The following ZBTB16 variants were observed in gnomAD, a reference collection of about 807,000 sequenced individuals.
The protein encoded by ZBTB16 is zinc finger and BTB domain containing 16.
Under a neutral mutation model 56.8 loss-of-function variants are expected in ZBTB16, and 8 were observed. The observed-to-expected ratio is 0.14, with a 90% CI of 0.08 to 0.25. ZBTB16 has a LOEUF of 0.25. Ranked by LOEUF, ZBTB16 falls within the 10% of genes least tolerant of loss-of-function variation. The pLI is 1.00. For synonymous variants in ZBTB16, 363 were observed against 368.5 expected (o/e 0.98, Z 0.17); for missense variants, 625 against 903.0 (o/e 0.69, Z 3.95).
intron 3 of ZBTB16, among the ~76,000 whole-genome samples, chr11:114,184,189 A>G (rs1215070687): frequency 3.9e-5 from 6 of 152,328 alleles, no homozygotes; most frequent in Non-Finnish European, 5.9e-5. Flanking sequence ...TCATCAGTAG[A>G]AGATAGGTGT....
chr11:114,177,850 G>A (rs1333091345), intron 3 of ZBTB16, among the ~76,000 whole-genome samples: 1 of 151,964 alleles, frequency 6.6e-6, no homozygotes, highest in South Asian at 2.1e-4. Flanking sequence ...CCCAGGCTGG[G>A]GTTACAGGCA....
chr11:114,171,682 A>T (rs1180983954), intron 3 of ZBTB16, among the ~76,000 whole-genome samples: 1 of 152,178 alleles, frequency 6.6e-6, no homozygotes, highest in Non-Finnish European at 1.5e-5. Context: ...ACAGCCTAGA[A>T]TTCTGCTTTG....
intron 4 of ZBTB16, among the ~76,000 whole-genome samples, chr11:114,197,819 C>T (rs1943643422): frequency 6.6e-6 from 1 of 152,102 alleles, no homozygotes; most frequent in Admixed American, 6.5e-5. Context: ...CGCTCCTTCC[C>T]TCAGGATAGC....
chr11:114,200,598 T>C (rs1255728978), intron 4 of ZBTB16, among the ~76,000 whole-genome samples: 2 of 152,094 alleles, frequency 1.3e-5, no homozygotes, highest in Admixed American at 6.5e-5. Flanking sequence ...GGATTCCAGG[T>C]TGGTGTTTTC....
At position 114,215,804 on chromosome 11, in the gene ZBTB16, G is replaced by A. The variant is rs145411247; in HGVS notation, c.1454-26363G>A. Among the ~76,000 whole-genome samples the A allele has an allele frequency of 1.8e-3, 268 of 152,280 alleles. 4 individuals carry two copies. Among genetic ancestry groups the A allele is most frequent in the African/African-American group, 6.0e-3 (251 of 41,542 alleles). On this transcript the variant is annotated intron_variant, in intron 4 of 6. Transcript: ENST00000335953. The stretch of plus-strand genomic sequence containing the variant: ...TAATTTGAATTATTTTGTGATTACA[G>A]ATCTTACAGGTAGATGTTGGGTACA...
In ZBTB16 at chr11:114,159,940, G is replaced by T. The variant is rs185775356; in HGVS notation, c.1366+3506G>T. The stretch of plus-strand genomic sequence containing the variant: ...CCAGAACCCTGGGCGGGGGAGGCGG[G>T]GGGGAGGCGAGCATTTTTTTTCAAA... On this transcript the variant is annotated intron_variant, in intron 3 of 6. Transcript: ENST00000335953. Among the ~76,000 whole-genome samples, 427 of 148,162 alleles carry T rather than the reference G, an allele frequency of 2.9e-3. 26 individuals are homozygous for T. The highest frequency in any genetic ancestry group is 0.014 in the South Asian group (66 of 4,706).
At chr11:114,082,395 C>G (rs1017581834) in intron 2 of ZBTB16, among the ~76,000 whole-genome samples, 2 of 152,200 alleles carry the variant, frequency 1.3e-5, no homozygotes, top group South Asian at 2.1e-4. Flanking sequence ...GTGTACTTAA[C>G]ACACTCTGCA....
intron 4 of ZBTB16, among the ~76,000 whole-genome samples, chr11:114,192,370 G>T (rs967195118): frequency 8.5e-5 from 13 of 152,162 alleles, no homozygotes; most frequent in Non-Finnish European, 1.6e-4. Flanking sequence ...GCGGTGGAAG[G>T]CTGGACTCTC....
chr11:114,217,985 G>A (rs913603793), intron 4 of ZBTB16, among the ~76,000 whole-genome samples: 2 of 152,192 alleles, frequency 1.3e-5, no homozygotes, highest in African/African-American at 4.8e-5. Context: ...CCCAGCTCCT[G>A]GCATTCTCAA....
At chr11:114,183,452 A>G (rs899226858) in intron 3 of ZBTB16, among the ~76,000 whole-genome samples, 2 of 151,970 alleles carry the variant, frequency 1.3e-5, no homozygotes, top group East Asian at 1.9e-4. Flanking sequence ...TCTGCTTCTC[A>G]GTCATTAAAG....
chr11:114,093,609 C>T (rs1189133887), intron 2 of ZBTB16, among the ~76,000 whole-genome samples: 6 of 152,252 alleles, frequency 3.9e-5, no homozygotes, highest in African/African-American at 9.6e-5. Context: ...CTATAGCCTC[C>T]GAGGCTCTGT....
intron 3 of ZBTB16, among the ~76,000 whole-genome samples, chr11:114,175,996 T>C (rs113913652): frequency 2.7e-5 from 4 of 150,900 alleles, no homozygotes; most frequent in East Asian, 2.0e-4. Context: ...TGTGTGTGTG[T>C]GTGTGCGTGC....
At chr11:114,235,690 C>A (rs1224373548) in intron 4 of ZBTB16, among the ~76,000 whole-genome samples, 1 of 68,260 alleles carries the variant, frequency 1.5e-5, no homozygotes, top group Non-Finnish European at 2.8e-5. Context: ...TTCTTTCTTT[C>A]TTTTCTTTCT....
At chr11:114,067,404 T>TTTG (rs373057819) in intron 2 of ZBTB16, among the ~76,000 whole-genome samples, 10 of 151,886 alleles carry the variant, frequency 6.6e-5, no homozygotes, top group East Asian at 1.9e-4. Context: ...AGAATGTGCT[T>TTTG]TTGTTGTTGT....
intron 2 of ZBTB16, among the ~76,000 whole-genome samples, chr11:114,114,135 C>T (rs1459577598): frequency 6.6e-6 from 1 of 152,184 alleles, no homozygotes; most frequent in Non-Finnish European, 1.5e-5. Context: ...TACTGGGGTC[C>T]AGAATAACTT....
chr11:114,110,938 C>T (rs1344134183), intron 2 of ZBTB16, among the ~76,000 whole-genome samples: 1 of 152,144 alleles, frequency 6.6e-6, no homozygotes, highest in Non-Finnish European at 1.5e-5. Flanking sequence ...TTTTAACTGC[C>T]TTTATTTGCT....
At chr11:114,133,768 G>A (rs564765068) in intron 2 of ZBTB16, among the ~76,000 whole-genome samples, 2 of 152,296 alleles carry the variant, frequency 1.3e-5, no homozygotes, top group Admixed American at 1.3e-4. Flanking sequence ...GGGCATTGTG[G>A]CACAGGTGTT....
intron 3 of ZBTB16, among the ~76,000 whole-genome samples, chr11:114,166,722 A>G (rs1053397886): frequency 7.9e-5 from 12 of 152,034 alleles, no homozygotes; most frequent in Non-Finnish European, 1.5e-4. Context: ...GTGTGTTTCT[A>G]CCTTTTGGAT....
At chr11:114,105,129 C>T (rs567853263) in intron 2 of ZBTB16, among the ~76,000 whole-genome samples, 18 of 152,232 alleles carry the variant, frequency 1.2e-4, no homozygotes, top group Non-Finnish European at 2.1e-4. Flanking sequence ...GTTAACTAAC[C>T]TAGTTTTTCT....
Sources: allele counts gnomAD v4.1 joint callset (sites outside exome capture counted in the v4.1 genomes callset), GRCh38; gene constraint gnomAD v4.1.1; transcripts MANE v1.5; gene names NCBI Gene and HGNC (gene_info 2026-07-23, HGNC 2026-07-21).